Variants in VAV3 observed in about 807,000 individuals in gnomAD.
The protein encoded by VAV3 is vav guanine nucleotide exchange factor 3.
Under a neutral mutation model 131.2 loss-of-function variants are expected in VAV3, and 94 were observed. The ratio of observed to expected loss-of-function variants is 0.72; its 90% CI spans 0.61 to 0.85. The LOEUF is 0.85. Ranked by LOEUF, VAV3 falls within the 40% of genes least tolerant of loss-of-function variation. VAV3 has a pLI of 0.00. For missense variants in VAV3, 939 were observed against 1,002.7 expected, an observed-to-expected ratio of 0.94 and a Z score of 0.86; for synonymous variants, 349 against 342.0, an observed-to-expected ratio of 1.02 and a Z score of -0.22.
intron 1 of VAV3, among the ~76,000 whole-genome samples, chr1:107,915,723 A>C (rs1672584432): frequency 6.6e-6 from 1 of 152,214 alleles, no homozygotes; most frequent in Admixed American, 6.5e-5. Flanking sequence ...AGCCTAGCTC[A>C]GTCCCTGACA....
chr1:107,753,515 T>TATATATACACACATATATATACACAC (rs1296308635), intron 12 of VAV3, among the ~76,000 whole-genome samples: 1 of 42,468 alleles, frequency 2.4e-5, no homozygotes, highest in East Asian at 5.6e-4. Flanking sequence ...TATACACACA[T>TATATATACACACATATATATACACAC]ATATATATAT....
intron 10 of VAV3, among the ~76,000 whole-genome samples, chr1:107,757,735 T>A (rs1664193858): frequency 6.6e-6 from 1 of 152,208 alleles, no homozygotes; most frequent in African/African-American, 2.4e-5. Flanking sequence ...GTTGTTGTTA[T>A]TGCTGTTAAA....
intron 2 of VAV3, among the ~76,000 whole-genome samples, chr1:107,792,801 A>G (rs1312564887): frequency 2.6e-5 from 4 of 152,216 alleles, no homozygotes. Flanking sequence ...TAACACAACC[A>G]GACTCAGAAA....
At chr1:107,957,526 C>A (rs1229987521) in intron 1 of VAV3, among the ~76,000 whole-genome samples, 1 of 152,130 alleles carries the variant, frequency 6.6e-6, no homozygotes, top group Non-Finnish European at 1.5e-5. Flanking sequence ...AGGTAGGTAA[C>A]ACCACAGATG....
chr1:107,617,683 A>G, intron 20 of VAV3, 51 bp from the exon 21 acceptor site: 1 of 1,553,864 alleles, frequency 6.4e-7, no homozygotes, highest in Non-Finnish European at 8.9e-7. Flanking sequence ...ACCACAAATG[A>G]TAACCCCATG....
At chr1:107,632,266 C>T (rs1654561052) in intron 20 of VAV3, among the ~76,000 whole-genome samples, 1 of 152,128 alleles carries the variant, frequency 6.6e-6, no homozygotes. Context: ...TATGCCTGGG[C>T]TCAACCAAGG....
intron 2 of VAV3, among the ~76,000 whole-genome samples, chr1:107,821,861 G>A (rs1571000249): frequency 6.6e-6 from 1 of 152,208 alleles, no homozygotes; most frequent in Admixed American, 6.5e-5. Context: ...GCAAGGTCTC[G>A]TATAAAGAAA....
intron 1 of VAV3, among the ~76,000 whole-genome samples, chr1:107,927,494 T>TG (rs895561956): frequency 3.3e-5 from 5 of 152,020 alleles, no homozygotes; most frequent in African/African-American, 9.7e-5. Context: ...AAGTGGGCTC[T>TG]GGGGGGTCTC....
chr1:107,755,224 G>A (rs998158804), intron 12 of VAV3, among the ~76,000 whole-genome samples: 2 of 152,122 alleles, frequency 1.3e-5, no homozygotes, highest in African/African-American at 4.8e-5. Context: ...TAAGGTAAGA[G>A]GGACAAGCCA....
At chr1:107,959,998 C>T (rs554454601) in intron 1 of VAV3, among the ~76,000 whole-genome samples, 1 of 152,192 alleles carries the variant, frequency 6.6e-6, no homozygotes, top group Non-Finnish European at 1.5e-5. Context: ...TCAATAAACC[C>T]CTGCTGGCTC....
At chr1:107,785,376 C>G (rs1665925046) in intron 2 of VAV3, 14 of 1,233,006 alleles carry the variant, frequency 1.1e-5, no homozygotes, top group Non-Finnish European at 1.5e-5. Context: ...ACCACTTAAC[C>G]CATACCAGAC....
intron 20 of VAV3, among the ~76,000 whole-genome samples, chr1:107,635,679 A>C (rs1224680104): frequency 2.6e-5 from 4 of 152,214 alleles, no homozygotes; most frequent in African/African-American, 9.6e-5. Context: ...TGATGGTGAC[A>C]GTGAAAGAAA....
chr1:107,713,251 G>C (rs1178590461), intron 15 of VAV3, among the ~76,000 whole-genome samples: 1 of 151,854 alleles, frequency 6.6e-6, no homozygotes, highest in Non-Finnish European at 1.5e-5. Context: ...AAAAATACAA[G>C]TATTTGGAGA....
intron 15 of VAV3, among the ~76,000 whole-genome samples, chr1:107,717,619 C>G (rs1187738600): frequency 1.3e-5 from 2 of 152,134 alleles, no homozygotes. Context: ...GTTGTGATTT[C>G]TGTTCTTTTA....
At chr1:107,833,155 T>C (rs1668326238) in intron 2 of VAV3, among the ~76,000 whole-genome samples, 1 of 152,174 alleles carries the variant, frequency 6.6e-6, no homozygotes, top group Non-Finnish European at 1.5e-5. Flanking sequence ...GTTAGACAAG[T>C]AGTGAATGTA....
intron 2 of VAV3, among the ~76,000 whole-genome samples, chr1:107,818,377 T>A (rs1002365931): frequency 6.6e-6 from 1 of 151,978 alleles, no homozygotes; most frequent in Non-Finnish European, 1.5e-5. Context: ...TTTTTTTTTT[T>A]AAACCATAAA....
chr1:107,687,865 G>A (rs1042561215), intron 18 of VAV3, among the ~76,000 whole-genome samples: 1 of 151,940 alleles, frequency 6.6e-6, no homozygotes, highest in African/African-American at 2.4e-5. Flanking sequence ...AAGCCATTAG[G>A]AGACTCTATG....
At chr1:107,695,869 G>T (rs1346150116) in intron 17 of VAV3, among the ~76,000 whole-genome samples, 1 of 152,076 alleles carries the variant, frequency 6.6e-6, no homozygotes, top group Non-Finnish European at 1.5e-5. Context: ...TCCATTAAAA[G>T]GTAGAGTAAA....
chr1:107,931,000 A>G (rs1003191577), intron 1 of VAV3, among the ~76,000 whole-genome samples: 1 of 152,230 alleles, frequency 6.6e-6, no homozygotes, highest in African/African-American at 2.4e-5. Context: ...ATAGTCTACG[A>G]GACAAGTGAC....
Sources: allele counts gnomAD v4.1 joint callset (sites outside exome capture counted in the v4.1 genomes callset), GRCh38; gene constraint gnomAD v4.1.1; transcripts MANE v1.5; gene names NCBI Gene and HGNC (gene_info 2026-07-23, HGNC 2026-07-21).